Variants in PKP4 observed in about 807,000 individuals in gnomAD.
PKP4 encodes the protein plakophilin 4.
In PKP4, 90 loss-of-function variants were observed where a neutral mutation model predicts 145.1. The ratio of observed to expected loss-of-function variants is 0.62; its 90% CI spans 0.52 to 0.74. PKP4 has a LOEUF of 0.74. PKP4 is among the 30% of genes least tolerant of loss of function. The pLI is 0.00. For missense variants in PKP4, 1,340 were observed against 1,482.7 expected, an observed-to-expected ratio of 0.90 and a Z score of 1.58; for synonymous variants, 563 against 577.2, an observed-to-expected ratio of 0.98 and a Z score of 0.35.
intron 1 of PKP4, among the ~76,000 whole-genome samples, chr2:158,523,105 A>G (rs1171245168): frequency 6.6e-6 from 1 of 152,240 alleles, no homozygotes; most frequent in Admixed American, 6.5e-5. Context: ...GCAGCCTCAA[A>G]GCTACAACTG....
At chr2:158,674,482 G>C (rs551270908) in intron 19 of PKP4, among the ~76,000 whole-genome samples, 6 of 152,152 alleles carry the variant, frequency 3.9e-5, no homozygotes, top group African/African-American at 1.4e-4. Context: ...CTTCAGATCC[G>C]CAACCTGGGA....
At chr2:158,667,988 A>G (rs1211398383) in intron 16 of PKP4, among the ~76,000 whole-genome samples, 3 of 152,240 alleles carry the variant, frequency 2.0e-5, no homozygotes, top group Non-Finnish European at 4.4e-5. Flanking sequence ...GTGGCCTGTC[A>G]TATTTCACAA....
At chr2:158,481,875 A>G (rs1693405707) in intron 1 of PKP4, among the ~76,000 whole-genome samples, 1 of 152,248 alleles carries the variant, frequency 6.6e-6, no homozygotes, top group African/African-American at 2.4e-5. Context: ...TGGTTTATAC[A>G]GGTGAACAGT....
At chr2:158,457,321 C>CG (rs1367904627) in intron 1 of PKP4, 103 bp downstream of exon 1, 2 of 151,482 alleles carry the variant, frequency 1.3e-5, no homozygotes, top group African/African-American at 4.9e-5. Flanking sequence ...CGCCGGGGGC[C>CG]GGGGGCCTCC....
At chr2:158,475,549 A>G (rs1271851048) in intron 1 of PKP4, among the ~76,000 whole-genome samples, 3 of 152,194 alleles carry the variant, frequency 2.0e-5, no homozygotes, top group South Asian at 2.1e-4. Context: ...TTCTACTGCA[A>G]TATTCTAGAA....
intron 4 of PKP4, among the ~76,000 whole-genome samples, chr2:158,616,615 C>T (rs898385292): frequency 6.6e-6 from 1 of 152,070 alleles, no homozygotes. Flanking sequence ...AAGAGTCCTG[C>T]CAAAACTCAC....
chr2:158,501,070 CA>C (rs1334729235), intron 1 of PKP4, among the ~76,000 whole-genome samples: 3 of 152,186 alleles, frequency 2.0e-5, no homozygotes, highest in Non-Finnish European at 2.9e-5. Flanking sequence ...GCAGGGACAA[CA>C]GGCATCTTGG....
At chr2:158,550,143 A>AATCTATTAATTCTATTAAT (rs2045478821) in intron 2 of PKP4, among the ~76,000 whole-genome samples, 5 of 147,046 alleles carry the variant, frequency 3.4e-5, no homozygotes, top group African/African-American at 4.9e-5. Flanking sequence ...TGCCAAGAAG[A>AATCTATTAATTCTATTAAT]AGTTAAACAA....
intron 3 of PKP4, 111 bp from the exon 4 acceptor site, chr2:158,602,959 C>A: frequency 1.8e-6 from 1 of 543,550 alleles, no homozygotes. Flanking sequence ...GGTTTTTGTG[C>A]TCTTGTATAA....
intron 11 of PKP4, among the ~76,000 whole-genome samples, chr2:158,650,724 G>C (rs575549935): frequency 1.3e-5 from 2 of 152,212 alleles, no homozygotes; most frequent in Non-Finnish European, 2.9e-5. Flanking sequence ...AAGCTGAGAT[G>C]GTGGTGTTCC....
At chr2:158,595,035 T>C (rs563666654) in intron 3 of PKP4, among the ~76,000 whole-genome samples, 12 of 152,162 alleles carry the variant, frequency 7.9e-5, no homozygotes, top group Non-Finnish European at 1.6e-4. Context: ...GGAAGAATAA[T>C]CATGACATAT....
chr2:158,670,085 G>A (rs1051178522), intron 17 of PKP4, among the ~76,000 whole-genome samples, 170 bp downstream of exon 17: 2 of 152,230 alleles, frequency 1.3e-5, no homozygotes, highest in East Asian at 1.9e-4. Context: ...GCTGGGAGAA[G>A]TGTTTTCTGT....
At position 158,677,003 on chromosome 2, in the gene PKP4, T is replaced by A. The variant is rs554897006; in HGVS notation, c.3256+136T>A. On this transcript the variant is annotated intron_variant, in intron 20 of 21. Transcript: ENST00000389759. Reference sequence around the variant, plus strand: ...AGCAAACCATGTTCCAGTCATTCCCTTTCCTACTTTGGGGATTGTTGCCTT... The same window carrying A: ...AGCAAACCATGTTCCAGTCATTCCCATTCCTACTTTGGGGATTGTTGCCTT... The A allele has an allele frequency of 3.9e-6, 4 of 1,034,528 alleles. No individual in the cohort carries two copies. The African/African-American group carries it at 4.7e-5, about 12-fold the overall frequency. The allele number at this position is 1,034,528 out of a possible 1,614,324, so 64.1% of individuals were successfully genotyped here. A position where few individuals can be genotyped will look rare whatever the true frequency, so the allele number is the denominator to read the frequency against.
At position 158,631,926 on chromosome 2, in the gene PKP4, T is replaced by C; in HGVS notation, c.1327T>C (p.Tyr443His). The C allele has an allele frequency of 1.9e-6, 3 of 1,613,800 alleles. No individual in the cohort carries two copies. In the South Asian group the frequency reaches 3.3e-5, roughly 18 times the overall value. ...VELQGSQTAL[Y>H]RTGSVGIGNL... is the part of the protein sequence containing the mutation. ...GCTCCAAGGATCGCAGACGGCGTTG[T>C]ATCGCACAGGTTCAGGTGGGCATCA... The change falls in exon 8 of 22, where the codon TAT becomes CAT. Residue 443 changes from tyrosine to histidine, a missense_variant. Transcript: ENST00000389759.
intron 15 of PKP4, among the ~76,000 whole-genome samples, chr2:158,664,796 C>G (rs1172414232): frequency 6.6e-5 from 10 of 152,190 alleles, no homozygotes; most frequent in Non-Finnish European, 1.5e-4. Flanking sequence ...TTTCCACCTC[C>G]CTAAAATAAA....
chr2:158,471,789 G>A (rs563175043), intron 1 of PKP4, among the ~76,000 whole-genome samples: 4 of 152,282 alleles, frequency 2.6e-5, no homozygotes, highest in Admixed American at 2.6e-4. Flanking sequence ...TCATTGAAAA[G>A]TAATTCCTTT....
intron 3 of PKP4, among the ~76,000 whole-genome samples, chr2:158,590,982 C>T (rs1251577253): frequency 6.6e-6 from 1 of 152,112 alleles, no homozygotes; most frequent in Non-Finnish European, 1.5e-5. Context: ...ATGACATGTT[C>T]TTGCCCTAAA....
chr2:158,521,147 A>G (rs2042337133), intron 1 of PKP4, among the ~76,000 whole-genome samples: 1 of 152,202 alleles, frequency 6.6e-6, no homozygotes, highest in Admixed American at 6.5e-5. Flanking sequence ...GCTGCACTAG[A>G]TAATGCCAAA....
chr2:158,633,518 G>C (rs1203865154), intron 8 of PKP4, among the ~76,000 whole-genome samples: 1 of 152,226 alleles, frequency 6.6e-6, no homozygotes, highest in Non-Finnish European at 1.5e-5. Flanking sequence ...TCAGAATGGT[G>C]TGCAATTTAA....
Sources: gnomAD v4.1 joint callset for allele counts (sites outside exome capture counted in the v4.1 genomes callset) on GRCh38, gnomAD v4.1.1 for gene constraint, MANE v1.5 for transcripts, NCBI Gene and HGNC (gene_info 2026-07-23, HGNC 2026-07-21) for gene names.